CNTNAP2: variants seen among roughly 807,000 people sequenced by gnomAD.
CNTNAP2 encodes the protein contactin-associated protein-like 2.
In CNTNAP2, 98 loss-of-function variants were observed where a neutral mutation model predicts 155.2. That is an observed-to-expected ratio of 0.63 (90% CI 0.54 to 0.75). The LOEUF (loss-of-function observed/expected upper bound fraction) is 0.75. Among genes scored for constraint, CNTNAP2 ranks in the 30% least tolerant of loss-of-function variants. The pLI, the probability that CNTNAP2 is intolerant of heterozygous loss-of-function variation, is 0.00. For synonymous variants in CNTNAP2, 651 were observed against 631.2 expected, an observed-to-expected ratio of 1.03 and a Z score of -0.47; for missense variants, 1,727 against 1,688.1, an observed-to-expected ratio of 1.02 and a Z score of -0.40.
chr7:148,297,447 A>G (rs1797306648), intron 21 of CNTNAP2, among the ~76,000 whole-genome samples: 1 of 152,214 alleles, frequency 6.6e-6, no homozygotes, highest in Non-Finnish European at 1.5e-5. Context: ...GCCCACCTGT[A>G]GTAGAACAAA....
intron 9 of CNTNAP2, among the ~76,000 whole-genome samples, chr7:147,347,352 G>T (rs1224644580): frequency 4.0e-5 from 6 of 150,186 alleles, no homozygotes; most frequent in African/African-American, 1.5e-4. Context: ...TGAAGAATTT[G>T]AATTCTATAT....
intron 8 of CNTNAP2, among the ~76,000 whole-genome samples, chr7:147,229,271 C>A (rs1029577231): frequency 6.6e-6 from 1 of 152,150 alleles, no homozygotes; most frequent in Non-Finnish European, 1.5e-5. Context: ...CTTGGTTCAT[C>A]TCTCCTTGAA....
intron 13 of CNTNAP2, among the ~76,000 whole-genome samples, chr7:147,681,772 C>T (rs1319215494): frequency 1.3e-5 from 2 of 151,742 alleles, no homozygotes; most frequent in Non-Finnish European, 2.9e-5. Context: ...CAACTGTGGT[C>T]TGAAACTATC....
chr7:146,685,056 TAAA>T (rs1800572422), intron 1 of CNTNAP2, among the ~76,000 whole-genome samples: 2 of 152,016 alleles, frequency 1.3e-5, no homozygotes, highest in African/African-American at 4.8e-5. Context: ...TCATAAATAA[TAAA>T]AACAAGAATG....
intron 1 of CNTNAP2, among the ~76,000 whole-genome samples, chr7:146,767,832 G>C (rs974426835): frequency 2.0e-5 from 3 of 152,042 alleles, no homozygotes; most frequent in African/African-American, 7.2e-5. Context: ...TGAAATAATG[G>C]AAAAACTAAG....
At chr7:147,201,526 A>C (rs1157199986) in intron 8 of CNTNAP2, among the ~76,000 whole-genome samples, 1 of 152,190 alleles carries the variant, frequency 6.6e-6, no homozygotes, top group Non-Finnish European at 1.5e-5. Flanking sequence ...CTACTTAAGC[A>C]ATGTCAGTAA....
At chr7:146,402,900 T>A (rs977185012) in intron 1 of CNTNAP2, among the ~76,000 whole-genome samples, 1 of 152,150 alleles carries the variant, frequency 6.6e-6, no homozygotes, top group African/African-American at 2.4e-5. Context: ...AATTATAGTT[T>A]ACACTTGCAT....
chr7:147,619,858 C>G (rs569812287), intron 12 of CNTNAP2, among the ~76,000 whole-genome samples: 1 of 152,314 alleles, frequency 6.6e-6, no homozygotes, highest in Non-Finnish European at 1.5e-5. Flanking sequence ...GGAGTGGTTA[C>G]AGCAGGTCTT....
intron 1 of CNTNAP2, among the ~76,000 whole-genome samples, chr7:146,701,811 A>T (rs972331882): frequency 2.0e-5 from 3 of 152,178 alleles, no homozygotes; most frequent in Non-Finnish European, 4.4e-5. Context: ...CTTACCAAGA[A>T]GTCTTTCAGC....
chr7:147,939,537 C>T (rs1348842139), intron 14 of CNTNAP2, among the ~76,000 whole-genome samples: 1 of 152,084 alleles, frequency 6.6e-6, no homozygotes, highest in African/African-American at 2.4e-5. Context: ...CCATGTTGGC[C>T]AAGCTGGTCT....
intron 8 of CNTNAP2, among the ~76,000 whole-genome samples, chr7:147,295,108 A>G (rs1805408828): frequency 6.6e-6 from 1 of 152,200 alleles, no homozygotes; most frequent in Admixed American, 6.5e-5. Flanking sequence ...AATAGTAACT[A>G]GTATACAAAT....
At chr7:146,482,399 TTATA>T (rs71763608) in intron 1 of CNTNAP2, among the ~76,000 whole-genome samples, 31,662 of 147,048 alleles carry the variant, frequency 0.22, 4,604 homozygotes, top group African/African-American at 0.42. Context: ...TGTGTGTGTA[TTATA>T]TATATATATA....
chr7:148,110,326 G>A (rs1804319630), intron 15 of CNTNAP2, among the ~76,000 whole-genome samples: 1 of 152,032 alleles, frequency 6.6e-6, no homozygotes, highest in Non-Finnish European at 1.5e-5. Flanking sequence ...AGCCAGAATG[G>A]GAACCTGGAG....
At chr7:147,961,182 C>A (rs1475401204) in intron 14 of CNTNAP2, among the ~76,000 whole-genome samples, 2 of 152,092 alleles carry the variant, frequency 1.3e-5, no homozygotes, top group African/African-American at 4.8e-5. Context: ...TAACTTCTAT[C>A]TCCTGCTCCC....
intron 3 of CNTNAP2, among the ~76,000 whole-genome samples, chr7:146,925,607 G>A (rs779419258): frequency 2.8e-4 from 43 of 152,030 alleles, no homozygotes; most frequent in Non-Finnish European, 5.0e-4. Flanking sequence ...TAAAGAAGGC[G>A]GGGATGCTAA....
At chr7:146,988,287 A>G (rs1798150698) in intron 3 of CNTNAP2, among the ~76,000 whole-genome samples, 1 of 152,130 alleles carries the variant, frequency 6.6e-6, no homozygotes, top group Non-Finnish European at 1.5e-5. Flanking sequence ...AGAAAATCTT[A>G]GAAAACCTGG....
chr7:146,807,260 C>T (rs972714260), intron 2 of CNTNAP2, among the ~76,000 whole-genome samples: 10 of 152,036 alleles, frequency 6.6e-5, no homozygotes, highest in Non-Finnish European at 1.5e-4. Context: ...ACTGTATATT[C>T]TCATTTGTAA....
chr7:146,880,545 T>C (rs1453210439), intron 3 of CNTNAP2, among the ~76,000 whole-genome samples: 1 of 152,152 alleles, frequency 6.6e-6, no homozygotes, highest in Non-Finnish European at 1.5e-5. Context: ...TAGAAAATTC[T>C]ACACAACAGT....
At chr7:146,822,727 A>G (rs1011583524) in intron 2 of CNTNAP2, among the ~76,000 whole-genome samples, 1 of 146,948 alleles carries the variant, frequency 6.8e-6, no homozygotes, top group Non-Finnish European at 1.5e-5. Context: ...AAATATATAT[A>G]CTTAAGTATA....
Sources: gnomAD v4.1 joint callset for allele counts (sites outside exome capture counted in the v4.1 genomes callset) on GRCh38, gnomAD v4.1.1 for gene constraint, MANE v1.5 for transcripts, NCBI Gene and HGNC (gene_info 2026-07-23, HGNC 2026-07-21) for gene names.